LYST: variants seen among roughly 807,000 people sequenced by gnomAD.
LYST encodes the protein lysosomal trafficking regulator.
Under a neutral mutation model 413.6 loss-of-function variants are expected in LYST, and 192 were observed. That is an observed-to-expected ratio of 0.46 (90% CI 0.41 to 0.52). The LOEUF (loss-of-function observed/expected upper bound fraction) is 0.52. Among genes scored for constraint, LYST ranks in the 20% least tolerant of loss-of-function variants. LYST has a pLI of 0.00. For synonymous variants in LYST, 1,525 were observed against 1,567.3 expected (o/e 0.97, Z 0.64); for missense variants, 3,815 against 4,499.9 (o/e 0.85, Z 4.35).
intron 50 of LYST, among the ~76,000 whole-genome samples, chr1:235,672,789 T>A (rs535294343): frequency 1.4e-4 from 22 of 152,332 alleles, no homozygotes; most frequent in Admixed American, 6.5e-4. Flanking sequence ...TAGAAAGATA[T>A]CGGCTTATCC....
intron 1 of LYST, among the ~76,000 whole-genome samples, chr1:235,834,421 T>G (rs1229001809): frequency 1.3e-5 from 2 of 151,968 alleles, no homozygotes; most frequent in Non-Finnish European, 2.9e-5. Context: ...TAAAAAAAAA[T>G]GAGATGGGGT....
At position 235,810,048 on chromosome 1, in the gene LYST, A is replaced by G; in HGVS notation, c.770T>C (p.Leu257Ser). 1 of 1,614,074 alleles carries G rather than the reference A, an allele frequency of 6.2e-7. No individual in the cohort carries two copies. The highest frequency in any genetic ancestry group is 8.5e-7 in the Non-Finnish European group (1 of 1,179,964). The part of the protein sequence containing the change: ...ISNMNNSPFD[L>S]CHVLLSLLEK... Reference sequence around the variant, plus strand: ...TAATAAAGATAACAAAACATGACATAAGTCAAATGGAGAATTGTTCATGTT... The same window carrying G: ...TAATAAAGATAACAAAACATGACATGAGTCAAATGGAGAATTGTTCATGTT... The change falls in exon 5 of 53, where the codon TTA (leucine) becomes TCA (serine). Residue 257 changes from leucine (L) to serine (S), a missense_variant. Coordinates refer to ENST00000389793, the MANE Select transcript of LYST (RefSeq NM_000081.4).
At chr1:235,850,128 C>A (rs1678357230) in intron 1 of LYST, among the ~76,000 whole-genome samples, 1 of 152,140 alleles carries the variant, frequency 6.6e-6, no homozygotes, top group Non-Finnish European at 1.5e-5. Flanking sequence ...TCAAACTATA[C>A]TATAAGGCCA....
intron 44 of LYST, 32 bp downstream of exon 44, chr1:235,709,059 T>A (rs780296486): frequency 1.9e-6 from 3 of 1,578,676 alleles, no homozygotes; most frequent in Non-Finnish European, 2.6e-6. Context: ...CTATCTTATA[T>A]AAATACAGAT....
At chr1:235,717,077 G>C (rs1662906644) in intron 40 of LYST, among the ~76,000 whole-genome samples, 1 of 152,200 alleles carries the variant, frequency 6.6e-6, no homozygotes, top group African/African-American at 2.4e-5. Context: ...TTCCTCTAGA[G>C]TCATAACTGA....
At chr1:235,703,337 A>G (rs1279064968) in intron 44 of LYST, among the ~76,000 whole-genome samples, 3 of 152,356 alleles carry the variant, frequency 2.0e-5, no homozygotes, top group Non-Finnish European at 1.5e-5. Context: ...ATGCTGGTAG[A>G]TAGTTGAAGA....
Position 235,758,955 on chromosome 1 carries a change from C to G in LYST, c.6881+17G>C. 1.9e-6 allele frequency: 3 copies of G among 1,613,312 alleles called. No individual in the cohort carries two copies. Among genetic ancestry groups the G allele is most frequent in the Non-Finnish European group, 2.5e-6 (3 of 1,179,580 alleles). ...GTAAAATAAAGGTGGGAGGAGTGTACAAAAACACATAAGTACCTGTGAGCA... is the reference window on the plus strand; with the variant it reads ...GTAAAATAAAGGTGGGAGGAGTGTAGAAAAACACATAAGTACCTGTGAGCA... On this transcript the variant is annotated intron_variant, in intron 23 of 52. Coordinates refer to ENST00000389793, the MANE Select transcript of LYST (RefSeq NM_000081.4).
In LYST at chr1:235,677,582, T is replaced by C. The variant is rs151167023; in HGVS notation, c.10838A>G (p.Tyr3613Cys). The C allele has an allele frequency of 1.4e-5, 23 of 1,612,220 alleles. No individual in the cohort carries two copies. Among genetic ancestry groups the C allele is most frequent in the Middle Eastern group, 1.6e-4 (1 of 6,072 alleles). Residue 3613 changes from tyrosine (Y) to cysteine (C), a missense_variant, in exon 49 of 53, where the codon TAT becomes TGT. This residue lies in a region of LYST where 866 missense variants were observed against 1,156.0 expected (regional missense o/e 0.75). Transcript: ENST00000389793. The part of the protein sequence containing the change: ...EIEMETQIHL[Y>C]GHTEEITSLF... ...GCTGGTTATCTCTTCTGTGTGACCA[T>C]AGAGATGTATTTGAGTCTCCATTTC...
In LYST at chr1:235,734,599, T is replaced by C. The variant is rs758099465; in HGVS notation, c.8419A>G (p.Thr2807Ala). The change falls in exon 32 of 53, where the codon ACT (threonine) becomes GCT (alanine). Residue 2807 changes from threonine (T) to alanine (A), a missense_variant. By Grantham distance (58) the Thr-to-Ala change is moderately conservative. Coordinates refer to ENST00000389793, the MANE Select transcript of LYST (RefSeq NM_000081.4). Reference protein sequence around the residue: ...ELIHNHQGELTEEELGTAELL... With the variant: ...ELIHNHQGELAEEELGTAELL... ...TCTGCTGTGCCTAGCTCTTCTTCAG[T>C]CAATTCACCTTGGTGATTATGTATC... is the stretch of plus-strand genomic sequence containing the variant. 7 of 1,613,166 alleles carry C rather than the reference T, an allele frequency of 4.3e-6. No homozygotes were observed. In the East Asian group the frequency reaches 1.6e-4, roughly 36 times the overall value.
At chr1:235,703,160 G>A (rs992764997) in intron 44 of LYST, among the ~76,000 whole-genome samples, 183 bp from the exon 45 acceptor site, 1 of 152,134 alleles carries the variant, frequency 6.6e-6, no homozygotes, top group African/African-American at 2.4e-5. Context: ...CTGAATAGGT[G>A]AACAAAAACA....
intron 1 of LYST, among the ~76,000 whole-genome samples, chr1:235,877,818 T>C (rs1681208762): frequency 7.1e-6 from 1 of 141,798 alleles, no homozygotes; most frequent in Admixed American, 7.4e-5. Context: ...AAATAAAATG[T>C]ATGATCTATT....
At chr1:235,743,860 T>G (rs1357882467) in intron 30 of LYST, 119 bp downstream of exon 30, 1 of 637,876 alleles carries the variant, frequency 1.6e-6, no homozygotes, top group African/African-American at 1.8e-5. Flanking sequence ...GTCCGAGTTT[T>G]AAAAAGCTCT....
chr1:235,813,871 T>TAC (rs1370890850), intron 3 of LYST, among the ~76,000 whole-genome samples: 1 of 152,180 alleles, frequency 6.6e-6, no homozygotes, highest in Non-Finnish European at 1.5e-5. Context: ...GTTCTCGCCT[T>TAC]ACACCAATCA....
rs79755770 is a variant in LYST, at chr1:235,691,433, C to A, written c.10701+1917G>T. Among the ~76,000 whole-genome samples, 194 of 152,306 alleles carry A rather than the reference C, an allele frequency of 1.3e-3. 1 individual carries two copies. In the East Asian group the frequency reaches 0.017, roughly 13 times the overall value. On this transcript the variant is annotated intron_variant, in intron 47 of 52. Transcript: ENST00000389793. Reference sequence around the variant, plus strand: ...TAGGCCCAATGTTCTTTCTACTATACATGATGTCTGAATAACCAGTCCATT... The same window carrying A: ...TAGGCCCAATGTTCTTTCTACTATAAATGATGTCTGAATAACCAGTCCATT...
intron 20 of LYST, among the ~76,000 whole-genome samples, chr1:235,769,335 A>G (rs1404967718): frequency 2.0e-5 from 3 of 152,190 alleles, no homozygotes; most frequent in South Asian, 2.1e-4. Flanking sequence ...GCTGAGTACC[A>G]TAAGATGAAG....
At chr1:235,723,646 TGA>T (rs1334850090) in intron 39 of LYST, among the ~76,000 whole-genome samples, 1 of 152,142 alleles carries the variant, frequency 6.6e-6, no homozygotes, top group Non-Finnish European at 1.5e-5. Context: ...ACGAGAGTGG[TGA>T]GAAGTCTGTC....
intron 3 of LYST, chr1:235,828,694 T>C: frequency 3.9e-6 from 3 of 774,310 alleles, no homozygotes; most frequent in Non-Finnish European, 4.7e-6. Flanking sequence ...TTATATGGTA[T>C]ATTTTAAAGA....
intron 3 of LYST, among the ~76,000 whole-genome samples, chr1:235,823,290 CCT>C (rs1674974343): frequency 6.6e-6 from 1 of 152,232 alleles, no homozygotes; most frequent in Non-Finnish European, 1.5e-5. Context: ...TCCCCTACAT[CCT>C]CTCATTCCTG....
intron 50 of LYST, 68 bp downstream of exon 50, chr1:235,677,023 G>A: frequency 2.7e-6 from 3 of 1,107,444 alleles, no homozygotes; most frequent in Non-Finnish European, 4.2e-6. Context: ...CGACCTAGGA[G>A]TAACCACTGG....
Sources: gnomAD v4.1 joint callset for allele counts (sites outside exome capture counted in the v4.1 genomes callset) on GRCh38, gnomAD v4.1.1 for gene constraint, gnomAD v4.1.1 regional missense constraint, MANE v1.5 for transcripts, NCBI Gene and HGNC (gene_info 2026-07-23, HGNC 2026-07-21) for gene names.